Variants in ADAM17 observed in about 807,000 individuals in gnomAD.
ADAM17 encodes the protein disintegrin and metalloproteinase domain-containing protein 17.
A neutral mutation model predicts 96.7 loss-of-function variants in ADAM17; 39 were observed. That is an observed-to-expected ratio of 0.40 (90% CI 0.31 to 0.53). The LOEUF (loss-of-function observed/expected upper bound fraction) is 0.53, where lower values mean the gene tolerates loss of function less well. Ranked by LOEUF, ADAM17 falls within the 20% of genes least tolerant of loss-of-function variation. ADAM17 has a pLI of 0.44. For missense variants in ADAM17, 777 were observed against 1,013.2 expected (o/e 0.77, Z 3.17); for synonymous variants, 344 against 359.2 (o/e 0.96, Z 0.48).
At chr2:9,536,669 A>G (rs1410816660) in intron 3 of ADAM17, 29 bp downstream of exon 3, 3 of 1,612,388 alleles carry the variant, frequency 1.9e-6, no homozygotes, top group Admixed American at 3.3e-5. Flanking sequence ...CACCAGACAC[A>G]GGGGCAAACC....
In ADAM17 at chr2:9,514,518, AATATATATATATATATAT is replaced by A. The variant is rs70948826; in HGVS notation, c.1191+3365_1191+3382del. 8.0e-3 allele frequency among the ~76,000 whole-genome samples: 718 copies of A among 89,848 alleles called. 16 individuals carry two copies. The highest frequency in any genetic ancestry group is 0.028 in the East Asian group (53 of 1,886). 58.9% of individuals were successfully genotyped at this position (89,848 alleles called of 152,430 possible). A position where few individuals can be genotyped will look rare whatever the true frequency, so the allele number is the denominator to read the frequency against. The stretch of plus-strand genomic sequence containing the variant: ...TCCTAGAACTTAAATTTAAAATATA[AATATATATATATATATAT>A]ATATATATATATATATATATATATA... On this transcript the variant is annotated intron_variant, in intron 10 of 18. Transcript: ENST00000310823.
chr2:9,549,007 G>A (rs993850053), intron 1 of ADAM17, among the ~76,000 whole-genome samples: 1 of 152,180 alleles, frequency 6.6e-6, no homozygotes, highest in African/African-American at 2.4e-5. Flanking sequence ...TTGACATAAA[G>A]TATATCCATA....
chr2:9,545,228 T>C (rs964350007), intron 1 of ADAM17, among the ~76,000 whole-genome samples: 1 of 152,130 alleles, frequency 6.6e-6, no homozygotes, highest in Non-Finnish European at 1.5e-5. Flanking sequence ...TCCAATAGTC[T>C]GTGTTTAACA....
chr2:9,543,671 C>G (rs1267990503), intron 1 of ADAM17, among the ~76,000 whole-genome samples: 4 of 152,050 alleles, frequency 2.6e-5, no homozygotes, highest in Non-Finnish European at 4.4e-5. Flanking sequence ...GCTCACAAAA[C>G]CAGTTTTAAA....
intron 1 of ADAM17, among the ~76,000 whole-genome samples, chr2:9,551,455 T>A (rs1406862135): frequency 6.6e-6 from 1 of 152,226 alleles, no homozygotes; most frequent in Non-Finnish European, 1.5e-5. Flanking sequence ...AATTCATTTA[T>A]GTTTCATTTA....
rs1033650439 is a variant in ADAM17 at position 9,536,013 on chromosome 2, T to A, written c.362-91A>T. On this transcript the variant is annotated intron_variant, in intron 3 of 18. Coordinates refer to ENST00000310823, the MANE Select transcript of ADAM17 (RefSeq NM_003183.6). ...TCAATAAAAATTAAATCCTTCAGGGTGGAATTTGCCTAGTACTGTGAGAGC... is the reference window on the plus strand; with the variant it reads ...TCAATAAAAATTAAATCCTTCAGGGAGGAATTTGCCTAGTACTGTGAGAGC... 4 of 872,478 alleles carry A rather than the reference T, an allele frequency of 4.6e-6. No homozygotes were observed. In the African/African-American group the frequency reaches 7.1e-5, roughly 15 times the overall value. 54.0% of individuals were successfully genotyped at this position (872,478 alleles called of 1,614,324 possible). A position where few individuals can be genotyped will look rare whatever the true frequency, so the allele number is the denominator to read the frequency against.
At chr2:9,527,602 A>G in intron 5 of ADAM17, 184 bp downstream of exon 5, 1 of 389,182 alleles carries the variant, frequency 2.6e-6, no homozygotes, top group Middle Eastern at 6.7e-4. Context: ...TATTTTCCAG[A>G]GTTTTCAACT....
chr2:9,554,648 C>T (rs1665686727), intron 1 of ADAM17, among the ~76,000 whole-genome samples: 1 of 152,160 alleles, frequency 6.6e-6, no homozygotes, highest in South Asian at 2.1e-4. Flanking sequence ...AAGTATCTTA[C>T]ACGTCAATTT....
chr2:9,537,044 C>T (rs1402163321), intron 2 of ADAM17, among the ~76,000 whole-genome samples: 3 of 152,130 alleles, frequency 2.0e-5, no homozygotes, highest in Non-Finnish European at 4.4e-5. Flanking sequence ...TCACAATAAA[C>T]TCACACTAGG....
chr2:9,532,184 T>C (rs1262982684), intron 4 of ADAM17, among the ~76,000 whole-genome samples: 1 of 152,226 alleles, frequency 6.6e-6, no homozygotes, highest in Non-Finnish European at 1.5e-5. Context: ...CCTAAGATAT[T>C]AGTGCAGATA....
At chr2:9,549,296 G>T (rs1034227148) in intron 1 of ADAM17, among the ~76,000 whole-genome samples, 56 of 152,088 alleles carry the variant, frequency 3.7e-4, no homozygotes, top group African/African-American at 1.3e-3. Flanking sequence ...GCTTGAACCC[G>T]GGTGGCAGAG....
intron 6 of ADAM17, 88 bp from the exon 7 acceptor site, chr2:9,523,426 A>C: frequency 8.2e-7 from 1 of 1,224,406 alleles, no homozygotes; most frequent in Middle Eastern, 1.9e-4. Context: ...GAAAGAAAAA[A>C]TCTCAGTTTA....
At chr2:9,533,061 C>T (rs1558519950) in intron 4 of ADAM17, among the ~76,000 whole-genome samples, 1 of 151,808 alleles carries the variant, frequency 6.6e-6, no homozygotes, top group Non-Finnish European at 1.5e-5. Flanking sequence ...TGGTGGCACA[C>T]GCCTGTAATT....
chr2:9,550,703 C>T (rs1200350698), intron 1 of ADAM17, among the ~76,000 whole-genome samples: 1 of 151,658 alleles, frequency 6.6e-6, no homozygotes, highest in Non-Finnish European at 1.5e-5. Flanking sequence ...CCTCAGCCTC[C>T]CAAAGTGCTG....
intron 6 of ADAM17, among the ~76,000 whole-genome samples, chr2:9,525,314 A>G (rs1664477425): frequency 6.6e-6 from 1 of 151,904 alleles, no homozygotes; most frequent in South Asian, 2.1e-4. Context: ...AAAAAAAAAA[A>G]AATCCACTTG....
chr2:9,521,276 T>C lies in ADAM17; in HGVS notation c.884A>G (p.Glu295Gly). ...ACTTTTTGCCATGTTGTAGTGCTTT[T>C]CACCAGGTTTTACCTCTTGTGGAGA... ...LKSPQEVKPG[E>G]KHYNMAKSYP... Residue 295 changes from glutamate to glycine, a missense_variant, in exon 8 of 19, where the codon GAA (glutamate) becomes GGA (glycine). Transcript: ENST00000310823. 1.2e-6 allele frequency: 2 copies of C among 1,612,490 alleles called. No homozygotes were observed. The highest frequency in any genetic ancestry group is 1.7e-6 in the Non-Finnish European group (2 of 1,178,616).
At chr2:9,537,066 C>A (rs1338094040) in intron 2 of ADAM17, among the ~76,000 whole-genome samples, 1 of 152,064 alleles carries the variant, frequency 6.6e-6, no homozygotes, top group Non-Finnish European at 1.5e-5. Context: ...TAAAGATATT[C>A]AAAGAACTTA....
rs532725325 is a variant in ADAM17, at chr2:9,523,930, C to G, written c.754-592G>C. Reference sequence around the variant, plus strand: ...TTGCTCTGTCACCAGGGGTGCAGTACAGCGGCACGATCATAGCTCACTACA... The same window carrying G: ...TTGCTCTGTCACCAGGGGTGCAGTAGAGCGGCACGATCATAGCTCACTACA... On this transcript the variant is annotated intron_variant, in intron 6 of 18. Coordinates refer to ENST00000310823, the MANE Select transcript of ADAM17 (RefSeq NM_003183.6). Among the ~76,000 whole-genome samples, 4 of 151,154 alleles carry G rather than the reference C, an allele frequency of 2.6e-5. No individual in the cohort carries two copies. The East Asian group carries it at 5.8e-4, about 22-fold the overall frequency.
intron 5 of ADAM17, 58 bp from the exon 6 acceptor site, chr2:9,526,302 G>A: frequency 1.3e-6 from 2 of 1,536,222 alleles, no homozygotes; most frequent in Non-Finnish European, 8.9e-7. Flanking sequence ...GGAGTTTTAT[G>A]GTAACACTTT....
Sources: allele counts gnomAD v4.1 joint callset (sites outside exome capture counted in the v4.1 genomes callset), GRCh38; gene constraint gnomAD v4.1.1; transcripts MANE v1.5; gene names NCBI Gene and HGNC (gene_info 2026-07-23, HGNC 2026-07-21).